CNGB3: variants seen among roughly 807,000 people sequenced by gnomAD.
The protein encoded by CNGB3 is cyclic nucleotide gated channel subunit beta 3.
Under a neutral mutation model 92.8 loss-of-function variants are expected in CNGB3, and 86 were observed. The observed-to-expected ratio is 0.93, with a 90% confidence interval of 0.78 to 1.11. CNGB3 has a LOEUF of 1.11. CNGB3 is among the 50% of genes least tolerant of loss of function. The probability of loss-of-function intolerance (pLI) is 0.00; values close to 1 mark genes in which losing one functional copy is unlikely to be tolerated. For synonymous variants in CNGB3, 333 were observed against 332.7 expected (o/e 1.00, Z -0.01); for missense variants, 1,026 against 956.8 (o/e 1.07, Z -0.95).
chr8:86,600,776 ATTTTTTTTTTTTTTTT>A (rs533111246), intron 15 of CNGB3, among the ~76,000 whole-genome samples: 28 of 38,424 alleles, frequency 7.3e-4, no homozygotes, highest in Middle Eastern at 0.029. Flanking sequence ...CGCTCGGCTA[ATTTTTTTTTTTTTTTT>A]TTTTTTTTTT....
intron 3 of CNGB3, among the ~76,000 whole-genome samples, chr8:86,724,975 T>A (rs1825035463): frequency 6.6e-6 from 1 of 151,990 alleles, no homozygotes; most frequent in South Asian, 2.1e-4. Context: ...TGTCAAGAAG[T>A]TTTTTGTTTT....
chr8:86,602,257 G>T (rs1025093338), intron 15 of CNGB3, among the ~76,000 whole-genome samples: 1 of 152,136 alleles, frequency 6.6e-6, no homozygotes. Context: ...TTCCACCACT[G>T]CCCAAGAGCA....
At chr8:86,743,337 A>G (rs1825373511) in intron 1 of CNGB3, among the ~76,000 whole-genome samples, 162 bp downstream of exon 1, 1 of 152,256 alleles carries the variant, frequency 6.6e-6, no homozygotes. Flanking sequence ...ACAAATACAT[A>G]CAGAATATAT....
intron 7 of CNGB3, among the ~76,000 whole-genome samples, chr8:86,648,180 A>G (rs1823326253): frequency 6.6e-6 from 1 of 151,174 alleles, no homozygotes. Context: ...CAATGGGCAT[A>G]GTTGCTAATG....
At chr8:86,636,580 A>G (rs1435827531) in intron 10 of CNGB3, among the ~76,000 whole-genome samples, 4 of 148,136 alleles carry the variant, frequency 2.7e-5, no homozygotes, top group African/African-American at 1.0e-4. Context: ...CTCAAAAAAA[A>G]AAAAAAAAAA....
intron 7 of CNGB3, among the ~76,000 whole-genome samples, chr8:86,649,058 TACA>T (rs756700798): frequency 6.6e-6 from 1 of 151,444 alleles, no homozygotes; most frequent in Non-Finnish European, 1.5e-5. Flanking sequence ...TCAATCCCTT[TACA>T]ACAACTGTAA....
chr8:86,675,810 A>C (rs1357111986), intron 3 of CNGB3, among the ~76,000 whole-genome samples: 1 of 152,214 alleles, frequency 6.6e-6, no homozygotes, highest in African/African-American at 2.4e-5. Context: ...TTTTTTAAAA[A>C]GCTGATGAAA....
chr8:86,636,993 A>C (rs915495401), intron 10 of CNGB3, among the ~76,000 whole-genome samples: 2 of 152,154 alleles, frequency 1.3e-5, no homozygotes, highest in African/African-American at 4.8e-5. Context: ...TATTATCTTT[A>C]TCCTTTCATT....
chr8:86,605,420 A>C (rs555328099), intron 14 of CNGB3, among the ~76,000 whole-genome samples: 1 of 152,126 alleles, frequency 6.6e-6, no homozygotes, highest in Non-Finnish European at 1.5e-5. Flanking sequence ...TAGTACCTAC[A>C]TGTCTGAATG....
At chr8:86,694,334 G>A (rs1449012322) in intron 3 of CNGB3, among the ~76,000 whole-genome samples, 5 of 149,598 alleles carry the variant, frequency 3.3e-5, no homozygotes, top group East Asian at 2.0e-4. Context: ...CGGATGGGGC[G>A]GCTGGCCGGG....
chr8:86,635,402 C>G (rs115937706), intron 10 of CNGB3, among the ~76,000 whole-genome samples: 4 of 151,976 alleles, frequency 2.6e-5, no homozygotes, highest in Non-Finnish European at 5.9e-5. Flanking sequence ...TTAACAGGAA[C>G]AAACATAAGA....
At chr8:86,683,929 A>G (rs1250872949) in intron 3 of CNGB3, among the ~76,000 whole-genome samples, 1 of 152,180 alleles carries the variant, frequency 6.6e-6, no homozygotes, top group Non-Finnish European at 1.5e-5. Context: ...GCTGGCAAAG[A>G]GTTCTTAAGT....
intron 3 of CNGB3, among the ~76,000 whole-genome samples, chr8:86,711,936 G>T (rs1824759447): frequency 6.6e-6 from 1 of 151,288 alleles, no homozygotes; most frequent in South Asian, 2.1e-4. Context: ...TTGAAGTAAG[G>T]CCAGACTTTC....
At chr8:86,664,418 T>C (rs1377739134) in intron 6 of CNGB3, among the ~76,000 whole-genome samples, 1 of 152,222 alleles carries the variant, frequency 6.6e-6, no homozygotes, top group Non-Finnish European at 1.5e-5. Context: ...CTGCTCTTCC[T>C]ATTGTGATAT....
At position 86,720,562 on chromosome 8, in the gene CNGB3, G is replaced by A. The variant is rs1354010913; in HGVS notation, c.338+5969C>T. On this transcript the variant is annotated intron_variant, in intron 3 of 17. Coordinates refer to ENST00000320005, the MANE Select transcript of CNGB3 (RefSeq NM_019098.5). ...ACACTGTTGGTGGGAATGTAAACTAGTACAATCACTATGGAAAACAGTTTG... is the reference window on the plus strand; with the variant it reads ...ACACTGTTGGTGGGAATGTAAACTAATACAATCACTATGGAAAACAGTTTG... Among the ~76,000 whole-genome samples, 8 of 152,208 alleles carry A rather than the reference G, an allele frequency of 5.3e-5. No homozygotes were observed. The East Asian group carries it at 1.5e-3, about 29-fold the overall frequency.
intron 3 of CNGB3, among the ~76,000 whole-genome samples, chr8:86,717,365 C>T (rs920964178): frequency 6.6e-6 from 1 of 151,904 alleles, no homozygotes; most frequent in African/African-American, 2.4e-5. Flanking sequence ...AGTTTGAGAC[C>T]AGCCTGGCCA....
intron 15 of CNGB3, among the ~76,000 whole-genome samples, chr8:86,582,770 G>GA (rs966592458): frequency 6.0e-4 from 91 of 152,184 alleles, no homozygotes; most frequent in Non-Finnish European, 1.3e-3. Flanking sequence ...GTCATTGTCA[G>GA]AAAAACAAAA....
Position 86,632,801 on chromosome 8 carries a change from A to T in CNGB3, c.1271T>A (p.Leu424His). 6.2e-7 allele frequency: 1 copy of T among 1,613,108 alleles called. No individual in the cohort carries two copies. The highest frequency in any genetic ancestry group is 8.5e-7 in the Non-Finnish European group (1 of 1,179,838). The change falls in exon 11 of 18, where the codon CTC becomes CAC. Residue 424 changes from leucine to histidine, a missense_variant. Leu to His is a moderately conservative substitution (Grantham distance 99). Transcript: ENST00000320005. Reference sequence around the variant, plus strand: ...AAAAACTCCAGAAAAAAAATTCAAGAGTTGAAAAACAATTTCAAATAAAGT... The same window carrying T: ...AAAAACTCCAGAAAAAAAATTCAAGTGTTGAAAAACAATTTCAAATAAAGT... ...PQTLFEIVFQLLNFFSGVFVF... is the reference protein window; with the variant it reads ...PQTLFEIVFQHLNFFSGVFVF...
intron 6 of CNGB3, among the ~76,000 whole-genome samples, chr8:86,665,069 C>T (rs1470344937): frequency 1.3e-5 from 2 of 152,168 alleles, no homozygotes; most frequent in African/African-American, 4.8e-5. Flanking sequence ...TTTGAATGGA[C>T]ATATTTGCCT....
Sources: allele counts gnomAD v4.1 joint callset (sites outside exome capture counted in the v4.1 genomes callset), GRCh38; gene constraint gnomAD v4.1.1; transcripts MANE v1.5; gene names NCBI Gene and HGNC (gene_info 2026-07-23, HGNC 2026-07-21).